Variants in PDHX observed in about 807,000 individuals in gnomAD.
PDHX encodes the protein pyruvate dehydrogenase complex component X.
Under a neutral mutation model 55.3 loss-of-function variants are expected in PDHX, and 33 were observed. The ratio of observed to expected loss-of-function variants is 0.60; its 90% CI spans 0.45 to 0.80. The LOEUF (loss-of-function observed/expected upper bound fraction) is 0.80, where lower values mean the gene tolerates loss of function less well. Ranked by LOEUF, PDHX falls within the 30% of genes least tolerant of loss-of-function variation. The pLI, the probability that PDHX is intolerant of heterozygous loss-of-function variation, is 0.00. For synonymous variants in PDHX, 226 were observed against 219.4 expected (o/e 1.03, Z -0.27); for missense variants, 622 against 619.9 (o/e 1.00, Z -0.04).
upstream of PDHX, chr11:34,916,014 G>C: frequency 1.6e-6 from 1 of 624,484 alleles, no homozygotes; most frequent in African/African-American, 1.9e-5. Context: ...CCCGCCATCG[G>C]AGCGCCCCGC....
intron 7 of PDHX, among the ~76,000 whole-genome samples, chr11:34,976,565 T>C: frequency 6.6e-6 from 1 of 152,146 alleles, no homozygotes; most frequent in East Asian, 1.9e-4. Context: ...CATCATTATA[T>C]AAATGGTATC....
intron 5 of PDHX, among the ~76,000 whole-genome samples, chr11:34,964,708 A>G (rs994735922): frequency 6.6e-6 from 1 of 152,192 alleles, no homozygotes; most frequent in South Asian, 2.1e-4. Context: ...CTTAATTACT[A>G]CAGAGATAAA....
At chr11:34,970,959 T>G (rs1855245284) in intron 7 of PDHX, among the ~76,000 whole-genome samples, 1 of 152,202 alleles carries the variant, frequency 6.6e-6, no homozygotes, top group Non-Finnish European at 1.5e-5. Flanking sequence ...TTTACATAGG[T>G]CAATTTTTTT....
chr11:34,977,925 GT>G, intron 7 of PDHX, 198 bp from the exon 8 acceptor site: 4 of 606,392 alleles, frequency 6.6e-6, no homozygotes, highest in Non-Finnish European at 1.2e-5. Context: ...TACATTCATG[GT>G]TAATATTATT....
intron 7 of PDHX, among the ~76,000 whole-genome samples, chr11:34,976,138 T>G (rs1855365773): frequency 6.6e-6 from 1 of 152,168 alleles, no homozygotes; most frequent in South Asian, 2.1e-4. Context: ...ATTAGTTTAT[T>G]ATCTTTGCAT....
chr11:34,918,598 T>C (rs1378354439), intron 1 of PDHX, among the ~76,000 whole-genome samples: 1 of 152,188 alleles, frequency 6.6e-6, no homozygotes, highest in Admixed American at 6.5e-5. Flanking sequence ...TTGAATACCA[T>C]CTGTCAGGAA....
chr11:34,952,916 C>T (rs10768105), intron 3 of PDHX, among the ~76,000 whole-genome samples: 89,757 of 149,994 alleles, frequency 0.6, 28,382 homozygotes, highest in East Asian at 0.75. Context: ...TGTTTGCAGC[C>T]GACATGATTG....
rs930568753 is a variant in PDHX at position 34,995,236 on chromosome 11, T to C, written c.*64T>C. 13 of 1,558,622 alleles carry C rather than the reference T, an allele frequency of 8.3e-6. No individual in the cohort carries two copies. Among genetic ancestry groups the C allele is most frequent in the East Asian group, 2.2e-5 (1 of 44,576 alleles). Reference sequence around the variant, plus strand: ...TCAGTAGTTGTTACCAAGAAACATATGTTATAGGAAAACAACTTGGTATTT... The same window carrying C: ...TCAGTAGTTGTTACCAAGAAACATACGTTATAGGAAAACAACTTGGTATTT... On this transcript the variant is annotated 3_prime_UTR_variant, in exon 11 of 11. Transcript: ENST00000227868.
At chr11:34,966,916 A>G (rs1460631529) in intron 6 of PDHX, 102 bp downstream of exon 6, 3 of 1,018,870 alleles carry the variant, frequency 2.9e-6, no homozygotes, top group East Asian at 5.1e-5. Flanking sequence ...CAATGGCACA[A>G]TCTTGGCTCA....
chr11:34,992,258 C>T (rs535677192), intron 9 of PDHX, 57 bp from the exon 10 acceptor site: 6 of 968,240 alleles, frequency 6.2e-6, no homozygotes, highest in Non-Finnish European at 1.0e-5. Flanking sequence ...TTTCAAGTGA[C>T]AAGATCAACT....
At chr11:34,966,473 G>A (rs1013188505) in intron 5 of PDHX, among the ~76,000 whole-genome samples, 167 bp from the exon 6 acceptor site, 1 of 152,182 alleles carries the variant, frequency 6.6e-6, no homozygotes, top group East Asian at 1.9e-4. Context: ...CAGCAGACCA[G>A]GTAAGAGACA....
chr11:34,961,972 C>T (rs897809859), intron 5 of PDHX, among the ~76,000 whole-genome samples: 3 of 152,208 alleles, frequency 2.0e-5, no homozygotes, highest in African/African-American at 7.2e-5. Context: ...CTGTTGGTAT[C>T]TTAATCTTGT....
At chr11:34,937,663 A>G (rs1854367002) in intron 2 of PDHX, among the ~76,000 whole-genome samples, 1 of 152,154 alleles carries the variant, frequency 6.6e-6, no homozygotes, top group African/African-American at 2.4e-5. Context: ...ATTTAATGCC[A>G]TGTGATAACA....
In PDHX at chr11:34,995,158, A is replaced by G. The variant is rs773943684; in HGVS notation, c.1492A>G (p.Ile498Val). ...KSFKANLENP[I>V]RLA ...TTTTAAAGCAAACCTAGAGAATCCT[A>G]TCCGACTTGCCTAGTCCTCAAAGAT... Residue 498 changes from isoleucine (I) to valine (V), a missense_variant, in exon 11 of 11, where the codon ATC (isoleucine) becomes GTC (valine). Transcript: ENST00000227868. 3 of 1,613,932 alleles carry G rather than the reference A, an allele frequency of 1.9e-6. No individual in the cohort carries two copies. The highest frequency in any genetic ancestry group is 1.7e-6 in the Non-Finnish European group (2 of 1,179,870).
intron 2 of PDHX, among the ~76,000 whole-genome samples, chr11:34,933,801 T>G (rs1259066550): frequency 6.6e-6 from 1 of 152,124 alleles, no homozygotes; most frequent in East Asian, 1.9e-4. Context: ...TGAGGGCATC[T>G]TAAAGGACTC....
intron 9 of PDHX, among the ~76,000 whole-genome samples, chr11:34,986,795 G>A (rs934469160): frequency 2.0e-5 from 3 of 152,082 alleles, no homozygotes; most frequent in African/African-American, 7.2e-5. Flanking sequence ...GGTCTCTGGC[G>A]GGCCTTGGGC....
intron 3 of PDHX, among the ~76,000 whole-genome samples, chr11:34,947,903 T>G (rs762652101): frequency 3.3e-5 from 5 of 152,218 alleles, no homozygotes; most frequent in Non-Finnish European, 5.9e-5. Flanking sequence ...ACATGACTAT[T>G]TAGCATTGTG....
intron 6 of PDHX, among the ~76,000 whole-genome samples, chr11:34,968,551 C>G (rs925340246): frequency 1.3e-5 from 2 of 152,140 alleles, no homozygotes; most frequent in African/African-American, 4.8e-5. Context: ...AATGGAAAAA[C>G]TACAGTGAAG....
intron 9 of PDHX, among the ~76,000 whole-genome samples, chr11:34,989,003 AC>A (rs2134002911): frequency 6.6e-6 from 1 of 152,350 alleles, no homozygotes; most frequent in South Asian, 2.1e-4. Flanking sequence ...CAGCAGGGAT[AC>A]ATTCTGAGAA....
Sources: allele counts gnomAD v4.1 joint callset (sites outside exome capture counted in the v4.1 genomes callset), GRCh38; gene constraint gnomAD v4.1.1; transcripts MANE v1.5; gene names NCBI Gene and HGNC (gene_info 2026-07-23, HGNC 2026-07-21).